Variants in SCN8A observed in about 807,000 individuals in gnomAD.
The protein encoded by SCN8A is sodium channel protein type 8 subunit alpha.
In SCN8A, 30 loss-of-function variants were observed where a neutral mutation model predicts 184.1. That is an observed-to-expected ratio of 0.16 (90% CI 0.12 to 0.22). The LOEUF (loss-of-function observed/expected upper bound fraction) is 0.22. Among genes scored for constraint, SCN8A ranks in the 10% least tolerant of loss-of-function variants. The pLI, the probability that SCN8A is intolerant of heterozygous loss-of-function variation, is 1.00. For missense variants in SCN8A, 1,057 were observed against 2,498.9 expected, an observed-to-expected ratio of 0.42 and a Z score of 12.30; for synonymous variants, 852 against 907.0, an observed-to-expected ratio of 0.94 and a Z score of 1.09.
chr12:51,779,220 A>C (rs1189763708), intron 20 of SCN8A, among the ~76,000 whole-genome samples: 7 of 10,102 alleles, frequency 6.9e-4, no homozygotes, highest in Admixed American at 2.6e-3. Context: ...ACTTTGTCTC[A>C]AAAAAAAAAA....
Position 51,812,094 on chromosome 12 carries a change from C to G in SCN8A, c.*4665C>G, listed in dbSNP as rs1592178757. 6.6e-6 allele frequency: 1 copy of G among 150,710 alleles called. No individual in the cohort carries two copies. The highest frequency in any genetic ancestry group is 2.0e-4 in the East Asian group (1 of 4,990). 9.3% of individuals were successfully genotyped at this position (150,710 alleles called of 1,614,324 possible). On this transcript the variant is annotated 3_prime_UTR_variant, in exon 27 of 27. Transcript: ENST00000627620. ...CTCTGTGCTTTCTTGGATTCCCTTT[C>G]CAAGATTACCAAGATTTCCTCCATT... is the stretch of plus-strand genomic sequence containing the variant.
intron 1 of SCN8A, among the ~76,000 whole-genome samples, chr12:51,654,055 G>T (rs1410514176): frequency 6.6e-6 from 1 of 152,048 alleles, no homozygotes; most frequent in Admixed American, 6.6e-5. Flanking sequence ...TTTTGTTGTT[G>T]TTGAGTTTTA....
At chr12:51,724,488 G>C (rs1942125341) in intron 12 of SCN8A, among the ~76,000 whole-genome samples, 1 of 152,032 alleles carries the variant, frequency 6.6e-6, no homozygotes, top group South Asian at 2.1e-4. Flanking sequence ...AAAAACAGTG[G>C]CTCCAGATAG....
intron 9 of SCN8A, among the ~76,000 whole-genome samples, chr12:51,704,524 G>C (rs1041096226): frequency 6.6e-6 from 1 of 151,548 alleles, no homozygotes; most frequent in Non-Finnish European, 1.5e-5. Context: ...ACAAAAATTA[G>C]CTGGGCATGG....
chr12:51,779,460 G>A (rs1045298325), intron 20 of SCN8A, among the ~76,000 whole-genome samples: 20 of 152,278 alleles, frequency 1.3e-4, no homozygotes, highest in African/African-American at 4.3e-4. Flanking sequence ...ATACGTCTAA[G>A]CCTGGAGGTC....
In SCN8A at chr12:51,713,530, T is replaced by C. The variant is rs549086349; in HGVS notation, c.1635+6815T>C. ...CAACTGCTCTGGTTCCTTTGGGTCA[T>C]GGCCCTCTTCCTGCCGGTGGCAATG... On this transcript the variant is annotated intron_variant, in intron 11 of 26. Coordinates refer to ENST00000627620, the MANE Select transcript of SCN8A (RefSeq NM_001330260.2). 148 of 751,868 alleles carry C rather than the reference T, an allele frequency of 2.0e-4. 2 individuals are homozygous for C. The South Asian group carries it at 2.1e-3, about 11-fold the overall frequency. 46.6% of individuals were successfully genotyped at this position (751,868 alleles called of 1,614,324 possible).
intron 1 of SCN8A, among the ~76,000 whole-genome samples, chr12:51,618,864 G>A (rs1430724606): frequency 6.6e-6 from 1 of 152,090 alleles, no homozygotes; most frequent in African/African-American, 2.4e-5. Flanking sequence ...TTTGATGCAG[G>A]ATGCCCTCTC....
intron 15 of SCN8A, 64 bp from the exon 16 acceptor site, chr12:51,765,607 C>A (rs907988696): frequency 5.3e-6 from 5 of 948,548 alleles, no homozygotes; most frequent in African/African-American, 5.0e-5. Flanking sequence ...TTTATTTTAG[C>A]CATGTGGTGA....
chr12:51,625,722 T>A (rs1174110901), intron 1 of SCN8A, among the ~76,000 whole-genome samples: 3 of 152,214 alleles, frequency 2.0e-5, no homozygotes, highest in Non-Finnish European at 4.4e-5. Context: ...AAAATTCAGC[T>A]TATCAAGTAA....
intron 20 of SCN8A, among the ~76,000 whole-genome samples, chr12:51,776,101 C>T (rs574469740): frequency 6.6e-6 from 1 of 152,330 alleles, no homozygotes; most frequent in East Asian, 1.9e-4. Context: ...ACGATCCTTG[C>T]ACCTCAGCCT....
At chr12:51,721,128 A>G (rs376313265) in intron 11 of SCN8A, among the ~76,000 whole-genome samples, 2 of 134,582 alleles carry the variant, frequency 1.5e-5, no homozygotes, top group African/African-American at 2.8e-5. Context: ...ATTGTTATAT[A>G]TATAATATTT....
At chr12:51,790,087 G>A (rs1006372735) in intron 24 of SCN8A, among the ~76,000 whole-genome samples, 1 of 152,216 alleles carries the variant, frequency 6.6e-6, no homozygotes, top group Non-Finnish European at 1.5e-5. Context: ...CCCAGAAAAT[G>A]AGACTCTGAG....
chr12:51,624,888 G>A (rs1940042974), intron 1 of SCN8A, among the ~76,000 whole-genome samples: 1 of 151,554 alleles, frequency 6.6e-6, no homozygotes, highest in African/African-American at 2.4e-5. Context: ...CCCATTTCTT[G>A]TTCAAAACAC....
intron 1 of SCN8A, among the ~76,000 whole-genome samples, chr12:51,605,337 A>G (rs543549805): frequency 6.6e-6 from 1 of 152,320 alleles, no homozygotes; most frequent in African/African-American, 2.4e-5. Context: ...ATCAGTGAGA[A>G]CACATGATGT....
At chr12:51,687,915 T>TG (rs1444161330) in intron 5 of SCN8A, among the ~76,000 whole-genome samples, 3 of 152,130 alleles carry the variant, frequency 2.0e-5, no homozygotes, top group African/African-American at 7.2e-5. Context: ...GAGAGTGTAG[T>TG]GGGGGTGGTG....
intron 1 of SCN8A, among the ~76,000 whole-genome samples, chr12:51,609,511 A>G (rs1033322031): frequency 3.9e-5 from 6 of 152,166 alleles, no homozygotes; most frequent in Non-Finnish European, 7.3e-5. Flanking sequence ...TTCCTGTTGG[A>G]CAAGGCCTTT....
chr12:51,646,854 G>A (rs990056573), intron 1 of SCN8A, among the ~76,000 whole-genome samples: 1 of 152,208 alleles, frequency 6.6e-6, no homozygotes, highest in African/African-American at 2.4e-5. Flanking sequence ...GTGTCTGCAG[G>A]GCCAGGGAGA....
chr12:51,804,423 A>G (rs551026727), intron 26 of SCN8A, among the ~76,000 whole-genome samples: 360 of 150,270 alleles, frequency 2.4e-3, no homozygotes, highest in African/African-American at 6.6e-3. Context: ...GGCTCACGCA[A>G]TTCTCCTGCC....
intron 1 of SCN8A, among the ~76,000 whole-genome samples, chr12:51,637,944 T>A (rs1196655433): frequency 6.6e-6 from 1 of 152,276 alleles, no homozygotes; most frequent in East Asian, 1.9e-4. Context: ...GACTCTCCTG[T>A]TAGGAGCTAA....
Sources: gnomAD v4.1 joint callset for allele counts (sites outside exome capture counted in the v4.1 genomes callset) on GRCh38, gnomAD v4.1.1 for gene constraint, MANE v1.5 for transcripts, NCBI Gene and HGNC (gene_info 2026-07-23, HGNC 2026-07-21) for gene names.